CFAP300: variants seen among roughly 807,000 people sequenced by gnomAD.
CFAP300 encodes the protein cilia- and flagella-associated protein 300.
CFAP300 carries 32 observed loss-of-function variants against 33.0 expected under a neutral mutation model. The ratio of observed to expected loss-of-function variants is 0.97; its 90% confidence interval spans 0.73 to 1.30. The LOEUF (loss-of-function observed/expected upper bound fraction) is 1.30. CFAP300 is among the 50% of genes most tolerant of loss of function. CFAP300 has a pLI of 0.00. For missense variants in CFAP300, 356 were observed against 318.1 expected (o/e 1.12, Z -0.90); for synonymous variants, 102 against 106.8 (o/e 0.95, Z 0.28).
intron 2 of CFAP300, among the ~76,000 whole-genome samples, chr11:102,056,751 G>A (rs940199210): frequency 3.9e-5 from 6 of 151,974 alleles, no homozygotes; most frequent in African/African-American, 1.4e-4. Flanking sequence ...AGCCTCCCGG[G>A]TAGCTGGAAT....
intron 4 of CFAP300, among the ~76,000 whole-genome samples, chr11:102,067,222 C>G (rs1029986728): frequency 1.9e-4 from 29 of 152,122 alleles, no homozygotes; most frequent in African/African-American, 7.0e-4. Context: ...CCTGTATTCC[C>G]AGCTGCCTGG....
At position 102,069,090 on chromosome 11, in the gene CFAP300, G is replaced by T. The variant is rs900452583; in HGVS notation, c.435+2439G>T. On this transcript the variant is annotated intron_variant, in intron 4 of 6. Transcript: ENST00000434758. ...TTCCAACAGAATACTCTGCAAAACT[G>T]CTTGCTGTCTGTCTTATTTATTGCC... Among the ~76,000 whole-genome samples, 9 of 152,130 alleles carry T rather than the reference G, an allele frequency of 5.9e-5. No individual in the cohort carries two copies. The South Asian group carries it at 1.9e-3, about 32-fold the overall frequency.
chr11:102,083,171 ACT>A lies in CFAP300; in HGVS notation c.777_778del (p.His259GlnfsTer28), dbSNP rs775049981. On this transcript the variant is annotated frameshift_variant, in exon 7 of 7. Transcript: ENST00000434758. LOFTEE classifies it high-confidence loss of function. Reference sequence around the variant, plus strand: ...AGGCGTCACCTTCATGTTTTATACCACTGTTATGGTGTGGGAGACATGTCTTA... The same window carrying A: ...AGGCGTCACCTTCATGTTTTATACCAGTTATGGTGTGGGAGACATGTCTTA... 6.5e-7 allele frequency: 1 copy of A among 1,542,406 alleles called. No individual in the cohort carries two copies. The highest frequency in any genetic ancestry group is 1.9e-5 in the Admixed American group (1 of 53,886).
intron 5 of CFAP300, 155 bp downstream of exon 5, chr11:102,076,200 CT>C (rs778982974): frequency 4.8e-5 from 32 of 664,266 alleles, no homozygotes; most frequent in Admixed American, 8.2e-5. Context: ...AACCTTCCCC[CT>C]CTCTTCCAGA....
intron 3 of CFAP300, among the ~76,000 whole-genome samples, chr11:102,066,185 G>T (rs1192598043): frequency 6.6e-6 from 1 of 151,908 alleles, no homozygotes; most frequent in Non-Finnish European, 1.5e-5. Context: ...ATATTGGCCA[G>T]GCTAGTCTCG....
At chr11:102,055,656 T>G (rs903531568) in intron 2 of CFAP300, among the ~76,000 whole-genome samples, 2 of 143,280 alleles carry the variant, frequency 1.4e-5, no homozygotes, top group East Asian at 4.3e-4. Flanking sequence ...CCATATACAT[T>G]ACTCCTAAAC....
At chr11:102,075,394 T>C (rs1942381538) in intron 4 of CFAP300, among the ~76,000 whole-genome samples, 1 of 152,132 alleles carries the variant, frequency 6.6e-6, no homozygotes. Flanking sequence ...CTCCAGCACC[T>C]GAATGGTTCA....
At chr11:102,077,855 G>A (rs760069597) in intron 5 of CFAP300, among the ~76,000 whole-genome samples, 1 of 152,092 alleles carries the variant, frequency 6.6e-6, no homozygotes, top group Non-Finnish European at 1.5e-5. Flanking sequence ...GATCACAGGC[G>A]TGAGCCACTG....
At chr11:102,080,693 A>G (rs968407977) in intron 5 of CFAP300, among the ~76,000 whole-genome samples, 3 of 152,138 alleles carry the variant, frequency 2.0e-5, no homozygotes, top group African/African-American at 7.2e-5. Context: ...AGCCACCGCG[A>G]CCGGCCCACA....
intron 3 of CFAP300, among the ~76,000 whole-genome samples, chr11:102,064,004 A>G (rs566757872): frequency 6.6e-6 from 1 of 152,192 alleles, no homozygotes; most frequent in South Asian, 2.1e-4. Flanking sequence ...TTGAAACCCA[A>G]TTATTTCCCA....
intron 6 of CFAP300, chr11:102,081,509 A>T: frequency 1.8e-6 from 1 of 561,596 alleles, no homozygotes. Context: ...AACATTGCCT[A>T]CTTATTTTAG....
intron 3 of CFAP300, among the ~76,000 whole-genome samples, chr11:102,061,468 C>T (rs930874176): frequency 2.6e-5 from 4 of 152,094 alleles, no homozygotes; most frequent in African/African-American, 7.2e-5. Flanking sequence ...TGCCAGTTGT[C>T]GGTGCTGTTT....
intron 5 of CFAP300, among the ~76,000 whole-genome samples, chr11:102,080,648 C>A (rs1035501095): frequency 1.3e-5 from 2 of 152,128 alleles, no homozygotes; most frequent in Admixed American, 1.3e-4. Flanking sequence ...GATCTGCCTG[C>A]CTAGGCCTCC....
At chr11:102,063,533 TG>T (rs1942182014) in intron 3 of CFAP300, among the ~76,000 whole-genome samples, 1 of 152,122 alleles carries the variant, frequency 6.6e-6, no homozygotes, top group South Asian at 2.1e-4. Context: ...CTGGAATGAG[TG>T]AAAATTTTGG....
At chr11:102,062,731 A>C (rs1261824484) in intron 3 of CFAP300, among the ~76,000 whole-genome samples, 1 of 152,230 alleles carries the variant, frequency 6.6e-6, no homozygotes, top group African/African-American at 2.4e-5. Flanking sequence ...CCTTATTGTA[A>C]AAAATGAGAA....
chr11:102,071,160 A>C (rs1942308153), intron 4 of CFAP300, among the ~76,000 whole-genome samples: 1 of 152,166 alleles, frequency 6.6e-6, no homozygotes, highest in African/African-American at 2.4e-5. Flanking sequence ...ACTGTATTAG[A>C]GTCTGTCTCT....
Position 102,080,058 on chromosome 11 carries a change from G to T in CFAP300, c.609-1157G>T, listed in dbSNP as rs1266895755. 3.3e-5 allele frequency among the ~76,000 whole-genome samples: 5 copies of T among 152,122 alleles called. No homozygotes were observed. In the South Asian group the frequency reaches 6.2e-4, roughly 19 times the overall value. ...GGACTTTGGGAGGCCAAAGCAGAAG[G>T]ATCTCTTGAGGCCAGGGTTTCAAGA... On this transcript the variant is annotated intron_variant, in intron 5 of 6. Transcript: ENST00000434758.
At chr11:102,063,194 C>A (rs1386776221) in intron 3 of CFAP300, among the ~76,000 whole-genome samples, 1 of 152,232 alleles carries the variant, frequency 6.6e-6, no homozygotes, top group East Asian at 1.9e-4. Flanking sequence ...AGGGTAGAAG[C>A]AAGACTGCCA....
rs555728327 is a variant in CFAP300 at position 102,074,058 on chromosome 11, A to C, written c.436-1815A>C. ...CTGCGTCACTCATTCCCTGGGGTAC[A>C]AGACACCATGCAGAGTCCATGTGGA... is the stretch of plus-strand genomic sequence containing the variant. On this transcript the variant is annotated intron_variant, in intron 4 of 6. Coordinates refer to ENST00000434758, the MANE Select transcript of CFAP300 (RefSeq NM_032930.3). Among the ~76,000 whole-genome samples, 3 of 152,254 alleles carry C rather than the reference A, an allele frequency of 2.0e-5. No individual in the cohort carries two copies. In the East Asian group the frequency reaches 5.8e-4, roughly 29 times the overall value.
Sources: gnomAD v4.1 joint callset for allele counts (sites outside exome capture counted in the v4.1 genomes callset) on GRCh38, gnomAD v4.1.1 for gene constraint, MANE v1.5 for transcripts, NCBI Gene and HGNC (gene_info 2026-07-23, HGNC 2026-07-21) for gene names.